OR6N1: variants seen among roughly 807,000 people sequenced by gnomAD.
OR6N1 encodes olfactory receptor 6N1.
For missense variants in OR6N1, 394 were observed against 371.7 expected (o/e 1.06, Z -0.49); for synonymous variants, 170 against 150.7 (o/e 1.13, Z -0.94).
At chr1:158,779,046 A>G in the OR6N1 span, among the ~76,000 whole-genome samples, 17 of 149,920 alleles carry the variant, frequency 1.1e-4, no homozygotes, top group African/African-American at 4.2e-4. Context: ...TGCAGATTCA[A>G]AAACAAACAT....
the OR6N1 span, among the ~76,000 whole-genome samples, chr1:158,830,568 T>C: frequency 2.6e-5 from 4 of 152,184 alleles, no homozygotes; most frequent in Admixed American, 6.5e-5. Context: ...AGAGTTATGA[T>C]ACTTTGTAGT....
chr1:158,793,023 G>A, the OR6N1 span, among the ~76,000 whole-genome samples: 1 of 151,946 alleles, frequency 6.6e-6, no homozygotes, highest in Non-Finnish European at 1.5e-5. Context: ...TTGCCTTTGA[G>A]CTCTGAAATT....
At chr1:158,795,111 T>C in the OR6N1 span, among the ~76,000 whole-genome samples, 1 of 152,184 alleles carries the variant, frequency 6.6e-6, no homozygotes, top group Non-Finnish European at 1.5e-5. Context: ...CCCTGGCTGC[T>C]GGGGTAATGT....
chr1:158,767,487 C>T (rs71632637), intron 1 of OR6N1, among the ~76,000 whole-genome samples: 248 of 152,272 alleles, frequency 1.6e-3, no homozygotes, highest in Non-Finnish European at 2.7e-3. Flanking sequence ...AATATACATG[C>T]TCTACTGTGT....
chr1:158,770,797 G>A (rs918782179), intron 1 of OR6N1, among the ~76,000 whole-genome samples: 7 of 152,176 alleles, frequency 4.6e-5, no homozygotes, highest in South Asian at 2.1e-4. Context: ...AATCCATATC[G>A]CCACAAATGG....
chr1:158,808,074 G>T, the OR6N1 span, among the ~76,000 whole-genome samples: 2 of 136,276 alleles, frequency 1.5e-5, no homozygotes, highest in Non-Finnish European at 3.1e-5. Flanking sequence ...TGACAAATTA[G>T]ATCATTGAGC....
chr1:158,791,403 G>T, the OR6N1 span, among the ~76,000 whole-genome samples: 1 of 151,268 alleles, frequency 6.6e-6, no homozygotes, highest in Admixed American at 6.6e-5. Flanking sequence ...AGTTTTGAGA[G>T]TTCCTTTGGA....
the OR6N1 span, among the ~76,000 whole-genome samples, chr1:158,784,196 A>T: frequency 6.6e-6 from 1 of 152,166 alleles, no homozygotes; most frequent in Non-Finnish European, 1.5e-5. Flanking sequence ...GATAGGCCAG[A>T]TTCTTCTGTT....
At chr1:158,830,235 G>A in the OR6N1 span, among the ~76,000 whole-genome samples, 15 of 152,252 alleles carry the variant, frequency 9.9e-5, no homozygotes, top group South Asian at 2.3e-3. Context: ...AGACCTGCTC[G>A]AAGCATCAGC....
At chr1:158,801,738 G>C in the OR6N1 span, among the ~76,000 whole-genome samples, 3 of 152,092 alleles carry the variant, frequency 2.0e-5, no homozygotes, top group African/African-American at 4.8e-5. Flanking sequence ...TTCTAGGGTG[G>C]ATATGGAGTT....
chr1:158,799,720 G>A, the OR6N1 span, among the ~76,000 whole-genome samples: 2 of 152,082 alleles, frequency 1.3e-5, no homozygotes, highest in African/African-American at 4.8e-5. Flanking sequence ...AAAATTAAGC[G>A]ACATCATGGG....
the OR6N1 span, among the ~76,000 whole-genome samples, chr1:158,801,024 T>G: frequency 1.3e-5 from 2 of 152,166 alleles, no homozygotes; most frequent in Admixed American, 6.5e-5. Flanking sequence ...GACTTTCTTT[T>G]GTTTTGCTCA....
chr1:158,839,062 G>A, the OR6N1 span, among the ~76,000 whole-genome samples: 1 of 152,066 alleles, frequency 6.6e-6, no homozygotes, highest in East Asian at 1.9e-4. Flanking sequence ...TGACAAGAAA[G>A]TCTGAGGGCT....
chr1:158,768,495 A>G (rs1344007296), intron 1 of OR6N1, among the ~76,000 whole-genome samples: 1 of 152,178 alleles, frequency 6.6e-6, no homozygotes, highest in Non-Finnish European at 1.5e-5. Context: ...ACCTCGGTCC[A>G]AGTCACTTTT....
chr1:158,814,922 G>C, the OR6N1 span, among the ~76,000 whole-genome samples: 1 of 152,248 alleles, frequency 6.6e-6, no homozygotes, highest in African/African-American at 2.4e-5. Flanking sequence ...AATGCAAACT[G>C]ACCAAGGGCT....
At chr1:158,782,042 A>G in the OR6N1 span, among the ~76,000 whole-genome samples, 3 of 152,210 alleles carry the variant, frequency 2.0e-5, no homozygotes, top group Non-Finnish European at 2.9e-5. Context: ...CCACTGCCTC[A>G]GAAATGTTCT....
the OR6N1 span, among the ~76,000 whole-genome samples, chr1:158,830,582 C>T: frequency 2.6e-5 from 4 of 152,222 alleles, 1 homozygote; most frequent in South Asian, 6.2e-4. Flanking sequence ...TTGTAGTGCA[C>T]CCACTGTTCT....
At chr1:158,823,293 C>A in the OR6N1 span, among the ~76,000 whole-genome samples, 1 of 152,240 alleles carries the variant, frequency 6.6e-6, no homozygotes, top group African/African-American at 2.4e-5. Flanking sequence ...GGTACCAACT[C>A]TTCTTTATAT....
the OR6N1 span, among the ~76,000 whole-genome samples, chr1:158,783,868 A>T: frequency 6.6e-6 from 1 of 152,196 alleles, no homozygotes; most frequent in African/African-American, 2.4e-5. Context: ...GCACTTTGGG[A>T]TGCCAAGGCA....
Sources: allele counts gnomAD v4.1 joint callset (sites outside exome capture counted in the v4.1 genomes callset), GRCh38; gene constraint gnomAD v4.1.1; transcripts MANE v1.5; gene names NCBI Gene and HGNC (gene_info 2026-07-23, HGNC 2026-07-21).